The following ZNF341 variants were observed in gnomAD, a reference collection of about 807,000 sequenced individuals.
The protein encoded by ZNF341 is zinc finger protein 341.
A neutral mutation model predicts 87.7 loss-of-function variants in ZNF341; 52 were observed. The observed-to-expected ratio is 0.59, with a 90% confidence interval of 0.47 to 0.75. The LOEUF is 0.75. Among genes scored for constraint, ZNF341 ranks in the 30% least tolerant of loss-of-function variants. The pLI, the probability that ZNF341 is intolerant of heterozygous loss-of-function variation, is 0.00. For synonymous variants in ZNF341, 459 were observed against 472.7 expected, an observed-to-expected ratio of 0.97 and a Z score of 0.38; for missense variants, 977 against 1,145.9, an observed-to-expected ratio of 0.85 and a Z score of 2.13.
intron 2 of ZNF341, among the ~76,000 whole-genome samples, chr20:33,744,324 GA>G (rs962282530): frequency 6.6e-6 from 1 of 151,640 alleles, no homozygotes; most frequent in African/African-American, 2.4e-5. Flanking sequence ...GAAAGAAAAA[GA>G]AAAAAAGACT....
Position 33,757,212 on chromosome 20 carries a change from A to G in ZNF341, c.806A>G (p.Gln269Arg), listed in dbSNP as rs370687580. The G allele has an allele frequency of 5.7e-5, 91 of 1,600,974 alleles. No individual in the cohort carries two copies. Among genetic ancestry groups the G allele is most frequent in the Non-Finnish European group, 7.2e-5 (85 of 1,174,668 alleles). Residue 269 changes from glutamine to arginine, a missense_variant, in exon 6 of 15, where the codon CAG (glutamine) becomes CGG (arginine). Around this residue, in one of 3 missense-constraint regions of ZNF341, gnomAD observed 515 missense variants for 598.2 expected, o/e 0.86. Coordinates refer to ENST00000375200, the MANE Select transcript of ZNF341 (RefSeq NM_001282933.2). ...PTPTVYSPGKQGFKPKGPNPA... is the reference protein window; with the variant it reads ...PTPTVYSPGKRGFKPKGPNPA... ...CCCACAGTGTACAGCCCTGGCAAAC[A>G]GGGATTCAAACCCAAAGGACCAAAC...
intron 9 of ZNF341, among the ~76,000 whole-genome samples, chr20:33,769,676 C>G (rs1353635994): frequency 6.6e-6 from 1 of 152,122 alleles, no homozygotes; most frequent in Non-Finnish European, 1.5e-5. Context: ...TTTGGGAGCC[C>G]AAGGCGGGTG....
intron 4 of ZNF341, chr20:33,752,227 A>T: frequency 3.5e-6 from 2 of 573,386 alleles, no homozygotes; most frequent in East Asian, 7.3e-5. Flanking sequence ...GTACATAGGT[A>T]ACCAAAGTAT....
intron 12 of ZNF341, among the ~76,000 whole-genome samples, chr20:33,784,070 A>C (rs1400439667): frequency 1.0e-3 from 34 of 33,386 alleles, no homozygotes; most frequent in East Asian, 2.2e-3. Context: ...CCTCCTCCCC[A>C]TCTCCCTCCT....
intron 1 of ZNF341, among the ~76,000 whole-genome samples, chr20:33,736,656 A>AT (rs1163044186): frequency 2.0e-5 from 3 of 152,030 alleles, no homozygotes; most frequent in Non-Finnish European, 4.4e-5. Context: ...CACCCAGCTA[A>AT]TTTTTTCTAT....
At chr20:33,753,487 A>T in intron 5 of ZNF341, 64 bp downstream of exon 5, 2 of 1,473,550 alleles carry the variant, frequency 1.4e-6, no homozygotes, top group Non-Finnish European at 1.8e-6. Flanking sequence ...ACCCGGACCC[A>T]TCCTGAGCAC....
At position 33,732,261 on chromosome 20, in the gene ZNF341, A is replaced by G. The variant is rs1310094216; in HGVS notation, c.31+209A>G. 6.8e-6 allele frequency among the ~76,000 whole-genome samples: 1 copy of G among 147,864 alleles called. No individual in the cohort carries two copies. Among genetic ancestry groups the G allele is most frequent in the Admixed American group, 6.7e-5 (1 of 14,970 alleles). On this transcript the variant is annotated intron_variant, in intron 1 of 14. Transcript: ENST00000375200. The surrounding 1 kb of genome is among the most constrained non-coding windows in gnomAD (Gnocchi z 4.5). The stretch of plus-strand genomic sequence containing the variant: ...CTCCGGGGCCGGAACAGCCGGGGAG[A>G]GCCAGGCCGGCGGGGAGGGGGCTCG...
rs148130444 is a variant in ZNF341 at position 33,786,346 on chromosome 20, C to T, written c.1852+2482C>T. 7.0e-4 allele frequency among the ~76,000 whole-genome samples: 106 copies of T among 152,258 alleles called. 1 individual carries two copies. In the East Asian group the frequency reaches 0.016, roughly 23 times the overall value. On this transcript the variant is annotated intron_variant, in intron 12 of 14. Transcript: ENST00000375200. ...ATTACATTTCAGCTATTAGTTTGTA[C>T]ACACAATGCTGTGTGGGTCCCTTGG...
intron 8 of ZNF341, among the ~76,000 whole-genome samples, chr20:33,764,087 C>G (rs567898590): frequency 1.3e-5 from 2 of 148,660 alleles, no homozygotes; most frequent in Non-Finnish European, 3.0e-5. Flanking sequence ...TGCAGTGGCG[C>G]GATCTCAGCT....
chr20:33,772,833 T>C (rs1170699825), intron 10 of ZNF341, among the ~76,000 whole-genome samples: 6 of 152,190 alleles, frequency 3.9e-5, no homozygotes, highest in African/African-American at 1.4e-4. Context: ...CTCTGAGAAG[T>C]TGGCAGAGGA....
intron 14 of ZNF341, 58 bp from the exon 15 acceptor site, chr20:33,790,930 G>A (rs2020000139): frequency 1.9e-6 from 3 of 1,547,084 alleles, no homozygotes; most frequent in Non-Finnish European, 1.7e-6. Context: ...CCCAGCGCAG[G>A]GCACTGTTGC....
At position 33,791,136 on chromosome 20, in the gene ZNF341, TCAC is replaced by T; in HGVS notation, c.2186_2188del (p.His729del). 1 of 1,613,198 alleles carries T rather than the reference TCAC, an allele frequency of 6.2e-7. No individual in the cohort carries two copies. The highest frequency in any genetic ancestry group is 8.5e-7 in the Non-Finnish European group (1 of 1,180,012). ...TTTCCCGCCACAAATACCTCAAAGA[TCAC>T]CGCTGTCGTCTCGGCCCCCAAAAGG... On this transcript the variant is annotated inframe_deletion, in exon 15 of 15. Transcript: ENST00000375200.
At chr20:33,767,637 C>T (rs1393422885) in intron 9 of ZNF341, among the ~76,000 whole-genome samples, 1 of 152,198 alleles carries the variant, frequency 6.6e-6, no homozygotes. Context: ...GTTATCTCTT[C>T]TTTATCTTTT....
intron 5 of ZNF341, among the ~76,000 whole-genome samples, chr20:33,754,428 A>G (rs1299586797): frequency 6.6e-6 from 1 of 152,146 alleles, no homozygotes; most frequent in Admixed American, 6.6e-5. Context: ...CATAGAATCC[A>G]GCCACAGACA....
chr20:33,760,075 T>C (rs2019260568), intron 7 of ZNF341, among the ~76,000 whole-genome samples: 1 of 152,222 alleles, frequency 6.6e-6, no homozygotes, highest in Admixed American at 6.5e-5. Context: ...ACAAGTGCTG[T>C]CGCTGTCCAA....
chr20:33,734,378 C>G (rs548450485), intron 1 of ZNF341, among the ~76,000 whole-genome samples: 12 of 152,178 alleles, frequency 7.9e-5, no homozygotes, highest in African/African-American at 2.9e-4. Context: ...ACCCTAGCTG[C>G]TCTGGAACAG....
rs1162056466 is a variant in ZNF341 at position 33,788,966 on chromosome 20, C to T, written c.1956C>T (p.Cys652=). The change falls in exon 13 of 15, where the codon TGC becomes TGT. Residue 652 remains cysteine (C), a synonymous_variant. Transcript: ENST00000375200. ...LIHEPFKKYK[C]PFSTHTGCSK... is the part of the protein sequence containing the mutation. ...ACGAGCCCTTCAAGAAATACAAATG[C>T]CCTTTCTCGTGAGTAGAGACTGCCA... The T allele has an allele frequency of 6.2e-7, 1 of 1,613,776 alleles. No homozygotes were observed. The highest frequency in any genetic ancestry group is 2.2e-5 in the East Asian group (1 of 44,868).
chr20:33,753,762 T>C (rs1170436516), intron 5 of ZNF341, among the ~76,000 whole-genome samples: 1 of 152,240 alleles, frequency 6.6e-6, no homozygotes, highest in Non-Finnish European at 1.5e-5. Flanking sequence ...ATTATCTGCC[T>C]GAGTGTCTCT....
chr20:33,762,054 A>G lies in ZNF341; in HGVS notation c.1221A>G (p.Thr407=). ...GCAGGCAGGAGGACGAGGAAAGCAC[A>G]GGTGGGTGGAAGTAGGGAACGCCAT... is the stretch of plus-strand genomic sequence containing the variant. ...NPSRQEDEES[T]GLGQPLPGAP... The change falls in exon 8 of 15, where the codon ACA becomes ACG. Residue 407 remains threonine (T), a splice_region_variant and synonymous_variant. Transcript: ENST00000375200. The G allele has an allele frequency of 6.5e-7, 1 of 1,537,362 alleles. No homozygotes were observed. Among genetic ancestry groups the G allele is most frequent in the Non-Finnish European group, 8.9e-7 (1 of 1,127,492 alleles).
Sources: gnomAD v4.1 joint callset for allele counts (sites outside exome capture counted in the v4.1 genomes callset) on GRCh38, gnomAD v4.1.1 for gene constraint, gnomAD v4.1.1 regional missense constraint, Gnocchi (gnomAD v3.1) non-coding constraint, MANE v1.5 for transcripts, NCBI Gene and HGNC (gene_info 2026-07-23, HGNC 2026-07-21) for gene names.